The following TMEFF2 variants were observed in gnomAD, a reference collection of about 807,000 sequenced individuals.
TMEFF2 encodes transmembrane protein with EGF like and two follistatin like domains 2.
A neutral mutation model predicts 53.8 loss-of-function variants in TMEFF2; 28 were observed. The ratio of observed to expected loss-of-function variants is 0.52; its 90% CI spans 0.39 to 0.71. TMEFF2 has a LOEUF of 0.71. Among genes scored for constraint, TMEFF2 ranks in the 30% least tolerant of loss-of-function variants. TMEFF2 has a pLI of 0.00. For missense variants in TMEFF2, 353 were observed against 455.2 expected (o/e 0.78, Z 2.04); for synonymous variants, 162 against 166.3 (o/e 0.97, Z 0.20).
At chr2:192,096,933 C>G (rs755403151) in intron 4 of TMEFF2, among the ~76,000 whole-genome samples, 1 of 152,074 alleles carries the variant, frequency 6.6e-6, no homozygotes, top group Non-Finnish European at 1.5e-5. Context: ...GCCACGGCCT[C>G]CCAAAGTGCT....
chr2:192,061,415 T>C (rs897195209), intron 4 of TMEFF2, among the ~76,000 whole-genome samples: 2 of 152,112 alleles, frequency 1.3e-5, no homozygotes, highest in African/African-American at 2.4e-5. Context: ...AAATAGAGTA[T>C]AACACATTTT....
At chr2:192,168,045 G>A (rs985466562) in intron 4 of TMEFF2, among the ~76,000 whole-genome samples, 18 of 152,204 alleles carry the variant, frequency 1.2e-4, no homozygotes, top group Middle Eastern at 3.4e-3. Context: ...TCTGCTGACA[G>A]TGATGTGACT....
intron 7 of TMEFF2, among the ~76,000 whole-genome samples, chr2:191,992,983 T>C (rs1468042765): frequency 2.6e-5 from 4 of 152,110 alleles, no homozygotes; most frequent in Admixed American, 1.3e-4. Context: ...TGCTGGATTC[T>C]GGAATTAGCA....
chr2:192,156,659 G>A (rs1690513387), intron 4 of TMEFF2, among the ~76,000 whole-genome samples: 1 of 151,918 alleles, frequency 6.6e-6, no homozygotes, highest in Non-Finnish European at 1.5e-5. Flanking sequence ...GAAATATGTA[G>A]GCCATGAGAG....
At chr2:192,184,260 CT>C in intron 3 of TMEFF2, 93 bp downstream of exon 3, 1 of 1,460,582 alleles carries the variant, frequency 6.8e-7, no homozygotes, top group South Asian at 1.3e-5. Context: ...AACATATAAT[CT>C]GAATTATTTA....
At chr2:192,151,463 G>A (rs537017496) in intron 4 of TMEFF2, among the ~76,000 whole-genome samples, 1 of 151,950 alleles carries the variant, frequency 6.6e-6, no homozygotes, top group Admixed American at 6.6e-5. Context: ...TTCATTTGGA[G>A]ATGTCTGAAC....
chr2:192,124,401 C>A (rs2105969639), intron 4 of TMEFF2, among the ~76,000 whole-genome samples: 1 of 152,288 alleles, frequency 6.6e-6, no homozygotes, highest in East Asian at 1.9e-4. Flanking sequence ...AGAATGTAGT[C>A]AAGCTTTTCC....
At chr2:192,083,133 T>A (rs16834156) in intron 4 of TMEFF2, among the ~76,000 whole-genome samples, 1,770 of 152,050 alleles carry the variant, frequency 0.012, 30 homozygotes, top group African/African-American at 0.04. Context: ...AGGAAAAAAA[T>A]TTCAAGATTC....
chr2:192,027,250 G>A (rs555093792), intron 5 of TMEFF2, among the ~76,000 whole-genome samples: 11 of 152,134 alleles, frequency 7.2e-5, no homozygotes, highest in Non-Finnish European at 1.5e-4. Context: ...TTCTCATTAT[G>A]GTAATTTTTC....
intron 4 of TMEFF2, among the ~76,000 whole-genome samples, chr2:192,060,043 AT>A (rs5837281): frequency 1.7e-4 from 25 of 146,860 alleles, no homozygotes; most frequent in African/African-American, 6.0e-4. Flanking sequence ...CGTGGATCAT[AT>A]TTTTTTTTTT....
chr2:192,136,696 TC>T, intron 4 of TMEFF2, among the ~76,000 whole-genome samples: 1 of 152,156 alleles, frequency 6.6e-6, no homozygotes, highest in Admixed American at 6.5e-5. Flanking sequence ...CCCCGCTCTC[TC>T]TCTCCTTTCC....
intron 4 of TMEFF2, among the ~76,000 whole-genome samples, chr2:192,168,725 A>T (rs1438570206): frequency 1.3e-5 from 2 of 152,112 alleles, no homozygotes; most frequent in Non-Finnish European, 2.9e-5. Context: ...ACACAAAACC[A>T]TTCATATCCA....
chr2:191,962,624 CTG>C (rs1246558100), intron 7 of TMEFF2, among the ~76,000 whole-genome samples: 2 of 152,170 alleles, frequency 1.3e-5, no homozygotes, highest in African/African-American at 4.8e-5. Flanking sequence ...ACTGAAAAAT[CTG>C]TAAAATCTTG....
chr2:192,071,047 T>C (rs1688283736), intron 4 of TMEFF2, among the ~76,000 whole-genome samples: 1 of 151,820 alleles, frequency 6.6e-6, no homozygotes, highest in Admixed American at 6.6e-5. Context: ...ACTGAGCGAA[T>C]GCTTTGAATA....
At chr2:192,030,917 T>C (rs1276159911) in intron 5 of TMEFF2, among the ~76,000 whole-genome samples, 2 of 152,054 alleles carry the variant, frequency 1.3e-5, no homozygotes, top group African/African-American at 4.8e-5. Context: ...ATACTGCAGG[T>C]TGGGCGGGGC....
intron 4 of TMEFF2, among the ~76,000 whole-genome samples, chr2:192,136,193 T>C (rs1690004221): frequency 6.6e-6 from 1 of 152,218 alleles, no homozygotes. Context: ...TCAGCAGTTA[T>C]TATAATCCAT....
chr2:191,974,218 C>T (rs1225361768), intron 7 of TMEFF2, among the ~76,000 whole-genome samples: 2 of 152,062 alleles, frequency 1.3e-5, no homozygotes, highest in African/African-American at 4.8e-5. Context: ...AATTCCAGAT[C>T]AGAAAACAAT....
intron 7 of TMEFF2, among the ~76,000 whole-genome samples, chr2:191,974,244 T>C (rs1692736803): frequency 6.6e-6 from 1 of 152,164 alleles, no homozygotes; most frequent in South Asian, 2.1e-4. Flanking sequence ...GTGAAAGCTA[T>C]AGATAATTGA....
At chr2:192,178,852 G>GT (rs1691115316) in intron 4 of TMEFF2, 1 of 151,026 alleles carries the variant, frequency 6.6e-6, no homozygotes, top group South Asian at 2.1e-4. Flanking sequence ...GCTTTTATTT[G>GT]TTTTGTTTTT....
Sources: allele counts gnomAD v4.1 joint callset (sites outside exome capture counted in the v4.1 genomes callset), GRCh38; gene constraint gnomAD v4.1.1; transcripts MANE v1.5; gene names NCBI Gene and HGNC (gene_info 2026-07-23, HGNC 2026-07-21).